Variants in PDE6A observed in about 807,000 individuals in gnomAD.
PDE6A encodes the protein rod cGMP-specific 3',5'-cyclic phosphodiesterase subunit alpha.
A neutral mutation model predicts 106.3 loss-of-function variants in PDE6A; 84 were observed. That is an observed-to-expected ratio of 0.79 (90% CI 0.66 to 0.95). The LOEUF (loss-of-function observed/expected upper bound fraction) is 0.95, where lower values mean the gene tolerates loss of function less well. Among genes scored for constraint, PDE6A ranks in the 40% least tolerant of loss-of-function variants. The probability of loss-of-function intolerance (pLI) is 0.00; values close to 1 mark genes in which losing one functional copy is unlikely to be tolerated. For synonymous variants in PDE6A, 394 were observed against 386.6 expected (o/e 1.02, Z -0.23); for missense variants, 1,052 against 1,084.9 (o/e 0.97, Z 0.43).
intron 20 of PDE6A, among the ~76,000 whole-genome samples, chr5:149,864,572 T>C (rs1760259133): frequency 1.3e-5 from 2 of 152,240 alleles, no homozygotes; most frequent in Admixed American, 6.5e-5. Context: ...TCTTTGAGCA[T>C]AGCACATTAT....
intron 3 of PDE6A, among the ~76,000 whole-genome samples, chr5:149,933,659 A>G (rs1367137395): frequency 6.6e-6 from 1 of 152,228 alleles, no homozygotes; most frequent in East Asian, 1.9e-4. Context: ...GGGAGACTGA[A>G]GCATAGAGAG....
chr5:149,888,908 C>G (rs1402885497), intron 13 of PDE6A, among the ~76,000 whole-genome samples: 4 of 151,490 alleles, frequency 2.6e-5, no homozygotes, highest in African/African-American at 9.7e-5. Context: ...ACAGTGAAAC[C>G]CCGTCTCTAC....
At chr5:149,864,965 C>A (rs1198803195) in intron 20 of PDE6A, among the ~76,000 whole-genome samples, 1 of 152,212 alleles carries the variant, frequency 6.6e-6, no homozygotes, top group Non-Finnish European at 1.5e-5. Flanking sequence ...CTCAGCTGGG[C>A]ACCATGGCTC....
Position 149,907,309 on chromosome 5 carries a change from T to C in PDE6A, c.1065+3A>G. On this transcript the variant is annotated splice_donor_region_variant and intron_variant, in intron 7 of 21. Transcript: ENST00000255266. ...TCTCCCCCTTCAAAGTTATATTACTTACCAGGCCATTCTGGGCAACATAAG... is the reference window on the plus strand; with the variant it reads ...TCTCCCCCTTCAAAGTTATATTACTCACCAGGCCATTCTGGGCAACATAAG... 1 of 1,609,466 alleles carries C rather than the reference T, an allele frequency of 6.2e-7. No homozygotes were observed. The highest frequency in any genetic ancestry group is 8.5e-7 in the Non-Finnish European group (1 of 1,175,714).
At chr5:149,911,842 CAAAAAAAAA>C (rs11430549) in intron 6 of PDE6A, among the ~76,000 whole-genome samples, 17 of 66,114 alleles carry the variant, frequency 2.6e-4, no homozygotes, top group East Asian at 4.5e-4. Flanking sequence ...TCTCTATTAC[CAAAAAAAAA>C]AAAAAAAAAA....
chr5:149,903,556 C>T (rs1219053423), intron 8 of PDE6A, 92 bp downstream of exon 8: 1 of 976,592 alleles, frequency 1.0e-6, no homozygotes, highest in South Asian at 1.3e-5. Context: ...AGGCTGCTTC[C>T]CAGCAGAGTG....
chr5:149,882,990 G>A (rs4705096), intron 17 of PDE6A, among the ~76,000 whole-genome samples: 23,752 of 152,050 alleles, frequency 0.16, 1,958 homozygotes, highest in Non-Finnish European at 0.18. Context: ...CCTGGGAGGC[G>A]GAAGTTGCAG....
rs148785740 is a variant in PDE6A at position 149,886,359 on chromosome 5, G to A, written c.1744C>T (p.Arg582Cys). 293 of 1,613,688 alleles carry A rather than the reference G, an allele frequency of 1.8e-4. No homozygotes were observed. The African/African-American group carries it at 3.3e-3, about 18-fold the overall frequency. Residue 582 changes from arginine (R) to cysteine (C), a missense_variant, in exon 14 of 22, where the codon CGC (arginine) becomes TGC (cysteine). This residue lies in a region of PDE6A where 913 missense variants were observed against 915.2 expected (regional missense o/e 1.00). Coordinates refer to ENST00000255266, the MANE Select transcript of PDE6A (RefSeq NM_000440.3). ...AAGGCCTCTAGGTCCGTGAAGTAGC[G>A]CTTCAGCTTTCCCGTCTGGAAGGGC... Reference protein sequence around the residue: ...FSLLVTGKLKRYFTDLEALAM... With the variant: ...FSLLVTGKLKCYFTDLEALAM...
At chr5:149,893,666 CA>C (rs541008752) in intron 13 of PDE6A, among the ~76,000 whole-genome samples, 23 of 152,210 alleles carry the variant, frequency 1.5e-4, no homozygotes, top group African/African-American at 5.1e-4. Flanking sequence ...GAAGGGACTA[CA>C]AAAAAGTAAG....
At chr5:149,943,158 C>T (rs1477514392) in intron 1 of PDE6A, among the ~76,000 whole-genome samples, 1 of 152,156 alleles carries the variant, frequency 6.6e-6, no homozygotes, top group African/African-American at 2.4e-5. Context: ...GCAGAGGTCC[C>T]TGCGGCCTTC....
At chr5:149,904,996 A>T (rs1162941453) in intron 7 of PDE6A, among the ~76,000 whole-genome samples, 1 of 152,058 alleles carries the variant, frequency 6.6e-6, no homozygotes, top group Admixed American at 6.6e-5. Flanking sequence ...CCTCACCACC[A>T]AATCCATTTT....
At chr5:149,942,071 C>G (rs567520448) in intron 1 of PDE6A, among the ~76,000 whole-genome samples, 3 of 152,164 alleles carry the variant, frequency 2.0e-5, no homozygotes, top group East Asian at 3.9e-4. Flanking sequence ...AAGTGATGCT[C>G]CCATCTCAGC....
intron 5 of PDE6A, among the ~76,000 whole-genome samples, chr5:149,917,570 C>T (rs1753593121): frequency 1.3e-5 from 2 of 152,134 alleles, no homozygotes; most frequent in Non-Finnish European, 2.9e-5. Flanking sequence ...AGGAGGCGAG[C>T]TCTGGTTAAA....
At chr5:149,931,269 T>A in intron 3 of PDE6A, 101 bp from the exon 4 acceptor site, 1 of 1,064,638 alleles carries the variant, frequency 9.4e-7, no homozygotes, top group Non-Finnish European at 1.4e-6. Context: ...CTGGAGTTTA[T>A]TTCATTTACC....
intron 1 of PDE6A, among the ~76,000 whole-genome samples, chr5:149,936,173 G>GGAAGGAAGGAAGGAAGGAAA (rs1754176974): frequency 6.6e-6 from 1 of 150,950 alleles, no homozygotes; most frequent in African/African-American, 2.4e-5. Context: ...AAGGAAGGAA[G>GGAAGGAAGGAAGGAAGGAAA]GAAGGAAGGA....
chr5:149,895,322 C>T lies in PDE6A; in HGVS notation c.1621-32G>A, dbSNP rs372586750. 6 of 1,421,644 alleles carry T rather than the reference C, an allele frequency of 4.2e-6. No homozygotes were observed. The African/African-American group carries it at 5.6e-5, about 13-fold the overall frequency. The allele number at this position is 1,421,644 out of a possible 1,614,324, so 88.1% of individuals were successfully genotyped here. ...ACACATGCACATCAGTGAGGCAGGA[C>T]ACACCTGAAATGGTCTCATGAGGGT... On this transcript the variant is annotated intron_variant, in intron 12 of 21. Transcript: ENST00000255266.
Position 149,913,377 on chromosome 5 carries a change from A to G in PDE6A, c.998+1566T>C, listed in dbSNP as rs529958289. 8.4e-3 allele frequency among the ~76,000 whole-genome samples: 757 copies of G among 89,858 alleles called. 4 individuals are homozygous for G. Among genetic ancestry groups the G allele is most frequent in the African/African-American group, 0.027 (690 of 25,158 alleles). 59.0% of individuals were successfully genotyped at this position (89,858 alleles called of 152,430 possible). A position where few individuals can be genotyped will look rare whatever the true frequency, so the allele number is the denominator to read the frequency against. On this transcript the variant is annotated intron_variant, in intron 6 of 21. Coordinates refer to ENST00000255266, the MANE Select transcript of PDE6A (RefSeq NM_000440.3). ...AGCCTGGGAGACAGAGCAGGACTCC[A>G]TCTTAAAAAAAAAAAAAAAAAGAGA...
In PDE6A at chr5:149,913,349, T is replaced by C. The variant is rs942988425; in HGVS notation, c.998+1594A>G. Among the ~76,000 whole-genome samples, 7 of 145,262 alleles carry C rather than the reference T, an allele frequency of 4.8e-5. No individual in the cohort carries two copies. The South Asian group carries it at 1.5e-3, about 32-fold the overall frequency. ...GTGAGCTGAGATTCGGCCACTGCAC[T>C]CCAGCCTGGGAGACAGAGCAGGACT... On this transcript the variant is annotated intron_variant, in intron 6 of 21. Transcript: ENST00000255266.
At chr5:149,909,628 G>A (rs1019216298) in intron 6 of PDE6A, among the ~76,000 whole-genome samples, 2 of 152,190 alleles carry the variant, frequency 1.3e-5, no homozygotes, top group Admixed American at 6.5e-5. Flanking sequence ...GACCCTGACT[G>A]ATATGGATGG....
Sources: gnomAD v4.1 joint callset for allele counts (sites outside exome capture counted in the v4.1 genomes callset) on GRCh38, gnomAD v4.1.1 for gene constraint, gnomAD v4.1.1 regional missense constraint, MANE v1.5 for transcripts, NCBI Gene and HGNC (gene_info 2026-07-23, HGNC 2026-07-21) for gene names.